The following C4orf51 variants were observed in gnomAD, a reference collection of about 807,000 sequenced individuals.
C4orf51 encodes the protein chromosome 4 open reading frame 51.
C4orf51 carries 25 observed loss-of-function variants against 25.2 expected under a neutral mutation model. That is an observed-to-expected ratio of 0.99 (90% CI 0.72 to 1.39). The LOEUF is 1.39. C4orf51 is among the 40% of genes most tolerant of loss of function. The pLI is 0.00. For missense variants in C4orf51, 252 were observed against 239.6 expected (o/e 1.05, Z -0.34); for synonymous variants, 100 against 84.5 (o/e 1.18, Z -1.01).
chr4:145,729,592 T>C (rs571093652), intron 4 of C4orf51, among the ~76,000 whole-genome samples: 170 of 152,306 alleles, frequency 1.1e-3, no homozygotes, highest in Middle Eastern at 3.4e-3. Context: ...TGAGCCACCA[T>C]GCCCGGTCCT....
At chr4:145,760,922 G>C (rs1734389963) in intron 1 of C4orf51, 2 of 1,234,344 alleles carry the variant, frequency 1.6e-6, no homozygotes, top group South Asian at 2.8e-5. Flanking sequence ...ATTGTCAAGG[G>C]AATGAGATGG....
At chr4:145,694,165 G>T (rs1246338589) in intron 1 of C4orf51, among the ~76,000 whole-genome samples, 1 of 147,018 alleles carries the variant, frequency 6.8e-6, no homozygotes, top group African/African-American at 2.5e-5. Context: ...CATCCCAGAC[G>T]ATGTGCGGCC....
At chr4:145,774,444 C>T, downstream of C4orf51, 1 of 1,547,698 alleles carries the variant, frequency 6.5e-7, no homozygotes, top group African/African-American at 1.4e-5. Context: ...GGCCAGGTGG[C>T]AGGTGCTCTG....
chr4:145,739,297 A>G (rs907566979), intron 1 of C4orf51, among the ~76,000 whole-genome samples: 2 of 152,234 alleles, frequency 1.3e-5, no homozygotes, highest in Non-Finnish European at 2.9e-5. Flanking sequence ...AGTTATAGCA[A>G]TTTAGGACTC....
chr4:145,776,191 T>G, the C4orf51 span, among the ~76,000 whole-genome samples: 2 of 152,166 alleles, frequency 1.3e-5, no homozygotes, highest in Non-Finnish European at 2.9e-5. Context: ...GCACTGTGGC[T>G]CACACCTGTA....
chr4:145,757,825 C>A (rs1272345400), downstream of C4orf51: 2 of 151,856 alleles, frequency 1.3e-5, no homozygotes, highest in African/African-American at 4.8e-5. Context: ...GTATGATCAT[C>A]TGAACATAAT....
At position 145,741,453 on chromosome 4, in the gene C4orf51, T is replaced by G. The variant is rs564870249; in HGVS notation, n.167+8834T>G. On this transcript the variant is annotated intron_variant and non_coding_transcript_variant, in intron 1 of 1. Coordinates refer to the C4orf51 transcript ENST00000508981. ...TTTGGCTAACAGAAACTGGTCCTGG[T>G]GGGCAGCAATAGTAGGGATGGTATG... Among the ~76,000 whole-genome samples, 4 of 152,232 alleles carry G rather than the reference T, an allele frequency of 2.6e-5. No homozygotes were observed. The South Asian group carries it at 8.3e-4, about 32-fold the overall frequency.
downstream of C4orf51, among the ~76,000 whole-genome samples, chr4:145,772,813 C>CT (rs1156573140): frequency 6.6e-6 from 1 of 152,214 alleles, no homozygotes; most frequent in Non-Finnish European, 1.5e-5. Context: ...CAAGAATATT[C>CT]TTTCCTGCTA....
intron 2 of C4orf51, among the ~76,000 whole-genome samples, chr4:145,699,685 G>A (rs1330528082): frequency 6.6e-6 from 1 of 152,218 alleles, no homozygotes; most frequent in African/African-American, 2.4e-5. Flanking sequence ...AAGAGTGTCA[G>A]ACCACGCAGG....
the C4orf51 span, among the ~76,000 whole-genome samples, chr4:145,782,667 C>T: frequency 2.6e-5 from 4 of 152,168 alleles, no homozygotes; most frequent in Non-Finnish European, 4.4e-5. Context: ...ATGATCTTTC[C>T]GAGGCACAAA....
At chr4:145,788,404 T>C in the C4orf51 span, among the ~76,000 whole-genome samples, 5 of 152,324 alleles carry the variant, frequency 3.3e-5, no homozygotes, top group East Asian at 1.9e-4. Context: ...CAAATGTAGA[T>C]AGTCACTGCC....
chr4:145,718,314 C>G (rs1731527141), intron 2 of C4orf51, among the ~76,000 whole-genome samples: 1 of 152,238 alleles, frequency 6.6e-6, no homozygotes, highest in African/African-American at 2.4e-5. Context: ...GTCTCCAAAT[C>G]AGCTACCTGG....
chr4:145,765,239 C>T lies in C4orf51; in HGVS notation n.167-5749C>T. 1.4e-5 allele frequency: 20 copies of T among 1,460,848 alleles called. No individual in the cohort carries two copies. The highest frequency in any genetic ancestry group is 1.8e-5 in the Non-Finnish European group (20 of 1,093,430). 90.5% of individuals were successfully genotyped at this position (1,460,848 alleles called of 1,614,324 possible). On this transcript the variant is annotated intron_variant and non_coding_transcript_variant, in intron 1 of 1. Transcript: ENST00000510096. The surrounding 1 kb of genome is among the most constrained non-coding windows in gnomAD (Gnocchi z 4.7). Reference sequence around the variant, plus strand: ...GGAGGGCAGGAGTGGAGCCAAGCTCCTCCCCACTTCCTCCCGCCTCCTCCG... The same window carrying T: ...GGAGGGCAGGAGTGGAGCCAAGCTCTTCCCCACTTCCTCCCGCCTCCTCCG...
intron 1 of C4orf51, among the ~76,000 whole-genome samples, chr4:145,687,123 A>T (rs886474757): frequency 4.6e-5 from 7 of 152,210 alleles, no homozygotes; most frequent in Admixed American, 4.6e-4. Context: ...CTCCCATTCT[A>T]TTCAAAGTCA....
At chr4:145,706,304 T>C (rs1730808330) in intron 2 of C4orf51, among the ~76,000 whole-genome samples, 1 of 152,216 alleles carries the variant, frequency 6.6e-6, no homozygotes, top group Non-Finnish European at 1.5e-5. Flanking sequence ...AAATTGGCTT[T>C]AATGAAACTG....
the C4orf51 span, among the ~76,000 whole-genome samples, chr4:145,791,443 TA>T: frequency 6.6e-6 from 1 of 152,336 alleles, no homozygotes; most frequent in Admixed American, 6.5e-5. Flanking sequence ...ATTTAGACCA[TA>T]CCACTTTGTT....
chr4:145,725,836 C>G (rs1732024904), intron 2 of C4orf51, among the ~76,000 whole-genome samples: 1 of 152,138 alleles, frequency 6.6e-6, no homozygotes, highest in Non-Finnish European at 1.5e-5. Flanking sequence ...TGAAAATACT[C>G]TAAAACTAGA....
chr4:145,727,083 A>G (rs1488185339), intron 3 of C4orf51, 114 bp downstream of exon 3: 1 of 769,578 alleles, frequency 1.3e-6, no homozygotes, highest in Non-Finnish European at 2.1e-6. Context: ...AACAATATTC[A>G]CCAAACGTTT....
chr4:145,743,458 A>G (rs1733206950), intron 1 of C4orf51, among the ~76,000 whole-genome samples: 1 of 152,114 alleles, frequency 6.6e-6, no homozygotes. Context: ...TGAGATAACA[A>G]AGCCATGCCT....
Sources: allele counts gnomAD v4.1 joint callset (sites outside exome capture counted in the v4.1 genomes callset), GRCh38; gene constraint gnomAD v4.1.1; non-coding constraint Gnocchi (gnomAD v3.1); transcripts MANE v1.5; gene names NCBI Gene and HGNC (gene_info 2026-07-23, HGNC 2026-07-21).